PRDM11: variants seen among roughly 807,000 people sequenced by gnomAD.
PRDM11 encodes PR domain-containing protein 11.
PRDM11 carries 20 observed loss-of-function variants against 97.8 expected under a neutral mutation model. The ratio of observed to expected loss-of-function variants is 0.20; its 90% CI spans 0.14 to 0.30. The LOEUF is 0.30. PRDM11 is among the 10% of genes least tolerant of loss of function. The probability of loss-of-function intolerance (pLI) is 1.00; values close to 1 mark genes in which losing one functional copy is unlikely to be tolerated. For missense variants in PRDM11, 1,139 were observed against 1,555.2 expected (o/e 0.73, Z 4.50); for synonymous variants, 599 against 637.7 (o/e 0.94, Z 0.91).
At chr11:45,124,191 A>AT (rs1269885751) in intron 1 of PRDM11, among the ~76,000 whole-genome samples, 1 of 151,814 alleles carries the variant, frequency 6.6e-6, no homozygotes. Context: ...TTGTACATTG[A>AT]TTTTGTATCC....
intron 4 of PRDM11, among the ~76,000 whole-genome samples, chr11:45,198,459 A>C (rs139918821): frequency 6.6e-6 from 1 of 152,242 alleles, no homozygotes. Context: ...TGGCTTCACC[A>C]GTCATTCTTG....
rs143915020 is a variant in PRDM11 at position 45,133,264 on chromosome 11, C to A, written c.96+37363C>A. 5.3e-4 allele frequency among the ~76,000 whole-genome samples: 80 copies of A among 152,212 alleles called. 1 individual carries two copies. The highest frequency in any genetic ancestry group is 1.9e-3 in the African/African-American group (79 of 41,544). ...CTATACCACTTCCATGGGGTAATAC[C>A]ACTAAAATTGTTCTTGTTAAGGACA... On this transcript the variant is annotated intron_variant, in intron 1 of 6. Coordinates refer to the PRDM11 transcript ENST00000530656.
intron 5 of PRDM11, among the ~76,000 whole-genome samples, chr11:45,210,624 C>A (rs1162413451): frequency 6.6e-6 from 1 of 152,192 alleles, no homozygotes; most frequent in Admixed American, 6.5e-5. Context: ...CCTTCCCGGG[C>A]CCCCTGCCAT....
chr11:45,154,927 G>A (rs1011298836), intron 1 of PRDM11, among the ~76,000 whole-genome samples: 7 of 152,186 alleles, frequency 4.6e-5, no homozygotes, highest in Non-Finnish European at 1.0e-4. Context: ...GCAGAATGGG[G>A]ACCCCAGAGA....
intron 1 of PRDM11, among the ~76,000 whole-genome samples, chr11:45,113,413 T>G (rs1267043330): frequency 6.6e-6 from 1 of 152,224 alleles, no homozygotes; most frequent in Non-Finnish European, 1.5e-5. Context: ...TCTTTTTGCT[T>G]AGTATTGCTT....
chr11:45,170,632 T>G (rs1852180964), intron 1 of PRDM11, among the ~76,000 whole-genome samples: 1 of 152,066 alleles, frequency 6.6e-6, no homozygotes, highest in Non-Finnish European at 1.5e-5. Context: ...GCCAGCACAC[T>G]GCTGAAGAGC....
At chr11:45,163,049 C>G (rs778205179) in intron 1 of PRDM11, among the ~76,000 whole-genome samples, 3 of 152,178 alleles carry the variant, frequency 2.0e-5, no homozygotes, top group Non-Finnish European at 4.4e-5. Context: ...CTGGGATGCT[C>G]TCAACTGTGT....
At chr11:45,158,615 G>A (rs921734933) in intron 1 of PRDM11, among the ~76,000 whole-genome samples, 4 of 152,200 alleles carry the variant, frequency 2.6e-5, no homozygotes, top group Non-Finnish European at 4.4e-5. Flanking sequence ...TGCTGTACCC[G>A]ACTTGGTTGG....
intron 4 of PRDM11, among the ~76,000 whole-genome samples, chr11:45,201,559 T>C (rs990256824): frequency 6.6e-6 from 1 of 152,082 alleles, no homozygotes; most frequent in African/African-American, 2.4e-5. Flanking sequence ...AGTGGCACAA[T>C]CATGGGTTAC....
chr11:45,225,055 T>C, intron 7 of PRDM11: 3 of 1,442,824 alleles, frequency 2.1e-6, no homozygotes, highest in Non-Finnish European at 2.7e-6. Context: ...GTTGCCCTTG[T>C]ATCCTCCTTG....
Position 45,227,285 on chromosome 11 carries a change from T to A in PRDM11, c.2660T>A (p.Val887Glu). 6.5e-7 allele frequency: 1 copy of A among 1,533,906 alleles called. No homozygotes were observed. Among genetic ancestry groups the A allele is most frequent in the Non-Finnish European group, 8.7e-7 (1 of 1,146,714 alleles). Reference protein sequence around the residue: ...SIKLIYFLLDVIAVLSRLAYI... With the variant: ...SIKLIYFLLDEIAVLSRLAYI... ...AAGCTCATCTACTTCCTGCTGGACG[T>A]GATTGCTGTGCTCTCGCGTCTGGCC... The change falls in exon 8 of 8, where the codon GTG becomes GAG. Residue 887 changes from valine (V) to glutamate (E), a missense_variant. Transcript: ENST00000683152. The surrounding 1 kb of genome is among the most constrained non-coding windows in gnomAD (Gnocchi z 8.0).
intron 5 of PRDM11, among the ~76,000 whole-genome samples, chr11:45,217,836 T>A (rs548667443): frequency 6.6e-6 from 1 of 152,344 alleles, no homozygotes; most frequent in South Asian, 2.1e-4. Context: ...TTTATATGTG[T>A]GTCAGGAGTG....
chr11:45,191,961 A>G (rs1317973154), intron 4 of PRDM11, among the ~76,000 whole-genome samples: 1 of 152,014 alleles, frequency 6.6e-6, no homozygotes, highest in African/African-American at 2.4e-5. Flanking sequence ...TAAGCCTCCC[A>G]TGCATTAGGT....
chr11:45,151,416 G>T (rs1410803605), intron 1 of PRDM11, among the ~76,000 whole-genome samples: 4 of 152,258 alleles, frequency 2.6e-5, no homozygotes, highest in African/African-American at 9.6e-5. Flanking sequence ...AAAGGCCAAT[G>T]TTCACTTAAT....
At chr11:45,210,116 A>G (rs925121169) in intron 5 of PRDM11, among the ~76,000 whole-genome samples, 1 of 152,164 alleles carries the variant, frequency 6.6e-6, no homozygotes, top group African/African-American at 2.4e-5. Flanking sequence ...GGGCCGGGCC[A>G]TGGAAAGATC....
intron 1 of PRDM11, among the ~76,000 whole-genome samples, chr11:45,163,496 G>GC (rs914463170): frequency 2.6e-5 from 4 of 151,598 alleles, no homozygotes; most frequent in Admixed American, 2.0e-4. Flanking sequence ...GATGGGGGGG[G>GC]GTACCCGGTG....
chr11:45,163,490 G>T (rs1565278998), intron 1 of PRDM11, among the ~76,000 whole-genome samples: 1 of 151,740 alleles, frequency 6.6e-6, no homozygotes, highest in East Asian at 1.9e-4. Context: ...CTTGAGGATG[G>T]GGGGGGGTAC....
At chr11:45,169,340 A>G (rs1396725191) in intron 1 of PRDM11, among the ~76,000 whole-genome samples, 2 of 152,256 alleles carry the variant, frequency 1.3e-5, no homozygotes, top group Non-Finnish European at 2.9e-5. Context: ...CCCTCAGTCT[A>G]GGAGCATCAA....
intron 1 of PRDM11, among the ~76,000 whole-genome samples, chr11:45,097,390 A>G (rs1851900486): frequency 6.6e-5 from 10 of 152,224 alleles, no homozygotes; most frequent in Admixed American, 6.5e-4. Flanking sequence ...AAACGTGAGC[A>G]TTTGTTACAT....
Sources: gnomAD v4.1 joint callset for allele counts (sites outside exome capture counted in the v4.1 genomes callset) on GRCh38, gnomAD v4.1.1 for gene constraint, Gnocchi (gnomAD v3.1) non-coding constraint, MANE v1.5 for transcripts, NCBI Gene and HGNC (gene_info 2026-07-23, HGNC 2026-07-21) for gene names.